The following PRKG1 variants were observed in gnomAD, a reference collection of about 807,000 sequenced individuals.
PRKG1 encodes cGMP-dependent protein kinase 1.
In PRKG1, 35 loss-of-function variants were observed where a neutral mutation model predicts 88.1. The ratio of observed to expected loss-of-function variants is 0.40; its 90% confidence interval spans 0.30 to 0.53. PRKG1 has a LOEUF of 0.53. Ranked by LOEUF, PRKG1 falls within the 20% of genes least tolerant of loss-of-function variation. The pLI, the probability that PRKG1 is intolerant of heterozygous loss-of-function variation, is 0.59. For synonymous variants in PRKG1, 303 were observed against 292.5 expected, an observed-to-expected ratio of 1.04 and a Z score of -0.37; for missense variants, 540 against 839.8, an observed-to-expected ratio of 0.64 and a Z score of 4.41.
chr10:51,154,063 G>A (rs2131976745), intron 2 of PRKG1, among the ~76,000 whole-genome samples: 1 of 152,056 alleles, frequency 6.6e-6, no homozygotes, highest in Non-Finnish European at 1.5e-5. Context: ...TATAATGTAA[G>A]ATGGTGACAC....
At chr10:51,698,407 C>T (rs3824686) in intron 3 of PRKG1, 111,150 of 1,613,972 alleles carry the variant, frequency 0.069, 4,408 homozygotes, top group East Asian at 0.15. Context: ...ATGGCCCTCC[C>T]CTCATCTCAT....
intron 8 of PRKG1, among the ~76,000 whole-genome samples, chr10:52,146,938 C>G (rs981423677): frequency 1.3e-5 from 2 of 152,228 alleles, no homozygotes; most frequent in African/African-American, 4.8e-5. Flanking sequence ...AACAACATGA[C>G]TGGGGTGAAT....
chr10:51,681,247 T>C (rs4630239), intron 3 of PRKG1, among the ~76,000 whole-genome samples: 26,824 of 152,098 alleles, frequency 0.18, 2,646 homozygotes, highest in African/African-American at 0.25. Flanking sequence ...TCAATAGCTT[T>C]ATGTAGATAG....
At chr10:52,063,235 C>A (rs1314987208) in intron 7 of PRKG1, among the ~76,000 whole-genome samples, 2 of 152,214 alleles carry the variant, frequency 1.3e-5, no homozygotes, top group Non-Finnish European at 2.9e-5. Context: ...TGGGGTCTGG[C>A]CACTGCACAG....
At chr10:51,546,846 T>G (rs1842454289) in intron 3 of PRKG1, among the ~76,000 whole-genome samples, 1 of 152,056 alleles carries the variant, frequency 6.6e-6, no homozygotes. Context: ...TCCCTCAAAC[T>G]TATATCAAAA....
intron 5 of PRKG1, among the ~76,000 whole-genome samples, chr10:51,960,419 C>T (rs937992054): frequency 7.2e-5 from 11 of 151,982 alleles, no homozygotes; most frequent in African/African-American, 2.7e-4. Context: ...CTTATATAAA[C>T]TATAATAATT....
intron 3 of PRKG1, among the ~76,000 whole-genome samples, chr10:51,622,183 A>G (rs1839226898): frequency 6.6e-6 from 1 of 152,204 alleles, no homozygotes; most frequent in South Asian, 2.1e-4. Context: ...TCTTAGTCAT[A>G]TACTGTGTCA....
At chr10:52,117,649 A>G (rs1286487994) in intron 7 of PRKG1, among the ~76,000 whole-genome samples, 1 of 152,108 alleles carries the variant, frequency 6.6e-6, no homozygotes, top group South Asian at 2.1e-4. Context: ...AAAATAGAAT[A>G]TTTATTTTAT....
intron 7 of PRKG1, among the ~76,000 whole-genome samples, chr10:52,088,763 G>A (rs1846978845): frequency 2.0e-5 from 3 of 152,136 alleles, no homozygotes; most frequent in African/African-American, 7.2e-5. Context: ...GAAACAGACT[G>A]AAAATGAGCA....
chr10:51,623,486 A>T (rs1241010077), intron 3 of PRKG1, among the ~76,000 whole-genome samples: 1 of 152,224 alleles, frequency 6.6e-6, no homozygotes, highest in Non-Finnish European at 1.5e-5. Context: ...ACAGATAGAC[A>T]TGAGCTATTG....
intron 5 of PRKG1, among the ~76,000 whole-genome samples, chr10:51,934,262 C>CCCA (rs1554857103): frequency 6.0e-5 from 9 of 151,076 alleles, no homozygotes; most frequent in African/African-American, 2.2e-4. Flanking sequence ...ATACCCCCCC[C>CCCA]CCAACACCGC....
chr10:51,083,416 C>G (rs1844163934), intron 1 of PRKG1, among the ~76,000 whole-genome samples: 1 of 151,994 alleles, frequency 6.6e-6, no homozygotes, highest in African/African-American at 2.4e-5. Context: ...CTATCCAATG[C>G]TAAGTTGAAG....
chr10:51,441,214 T>C (rs1490331403), intron 2 of PRKG1, among the ~76,000 whole-genome samples: 1 of 151,942 alleles, frequency 6.6e-6, no homozygotes, highest in Non-Finnish European at 1.5e-5. Flanking sequence ...AAGAGCCAGT[T>C]TTTTATTCTT....
chr10:51,115,614 A>C (rs1589163779), intron 1 of PRKG1, among the ~76,000 whole-genome samples: 1 of 150,940 alleles, frequency 6.6e-6, no homozygotes, highest in African/African-American at 2.4e-5. Flanking sequence ...CCGAGGCGGG[A>C]GGATCACGAG....
chr10:51,157,251 T>TACTTAAAAGTGCTAC (rs1409859248), intron 2 of PRKG1, among the ~76,000 whole-genome samples: 1 of 151,976 alleles, frequency 6.6e-6, no homozygotes, highest in Non-Finnish European at 1.5e-5. Context: ...TGCTTTCAGA[T>TACTTAAAAGTGCTAC]ACTTAAAAGT....
At chr10:51,740,198 G>C (rs1292352661) in intron 3 of PRKG1, among the ~76,000 whole-genome samples, 1 of 152,020 alleles carries the variant, frequency 6.6e-6, no homozygotes. Flanking sequence ...ACTAACTTTT[G>C]TATTTTTTGT....
At chr10:51,428,922 T>TAAGACA (rs1838677594) in intron 2 of PRKG1, among the ~76,000 whole-genome samples, 3 of 152,220 alleles carry the variant, frequency 2.0e-5, no homozygotes, top group Non-Finnish European at 4.4e-5. Flanking sequence ...ACAGCCATTG[T>TAAGACA]GTGCATTGAG....
chr10:51,932,356 A>G (rs975558345), intron 5 of PRKG1, among the ~76,000 whole-genome samples: 1 of 152,170 alleles, frequency 6.6e-6, no homozygotes, highest in Non-Finnish European at 1.5e-5. Context: ...CTTTAATAAT[A>G]ACAGCTTCCA....
intron 7 of PRKG1, among the ~76,000 whole-genome samples, chr10:52,115,221 T>C (rs902877450): frequency 1.3e-5 from 2 of 151,652 alleles, no homozygotes; most frequent in Admixed American, 6.6e-5. Context: ...TGGCCATACA[T>C]TATCTCCTGG....
Sources: gnomAD v4.1 joint callset for allele counts (sites outside exome capture counted in the v4.1 genomes callset) on GRCh38, gnomAD v4.1.1 for gene constraint, MANE v1.5 for transcripts, NCBI Gene and HGNC (gene_info 2026-07-23, HGNC 2026-07-21) for gene names.